The following BCAP29 variants were observed in gnomAD, a reference collection of about 807,000 sequenced individuals.
BCAP29 encodes the protein B-cell receptor-associated protein 29.
BCAP29 carries 34 observed loss-of-function variants against 31.8 expected under a neutral mutation model. The observed-to-expected ratio is 1.07, with a 90% CI of 0.81 to 1.42. BCAP29 has a LOEUF of 1.42. Ranked by LOEUF, BCAP29 falls within the 40% of genes most tolerant of loss-of-function variation. The pLI is 0.00. For missense variants in BCAP29, 314 were observed against 269.2 expected, an observed-to-expected ratio of 1.17 and a Z score of -1.16; for synonymous variants, 104 against 91.3, an observed-to-expected ratio of 1.14 and a Z score of -0.79.
At chr7:107,581,190 A>T (rs1433430091) in intron 2 of BCAP29, among the ~76,000 whole-genome samples, 1 of 152,172 alleles carries the variant, frequency 6.6e-6, no homozygotes, top group African/African-American at 2.4e-5. Flanking sequence ...ATTGCCCTGA[A>T]TTGGAGCCAT....
chr7:107,598,608 T>G (rs1810281892), intron 5 of BCAP29, among the ~76,000 whole-genome samples: 1 of 152,190 alleles, frequency 6.6e-6, no homozygotes, highest in Admixed American at 6.5e-5. Flanking sequence ...CACCTTACAT[T>G]GTAAAAATAT....
chr7:107,585,115 C>T (rs893142325), intron 3 of BCAP29, among the ~76,000 whole-genome samples: 7 of 152,136 alleles, frequency 4.6e-5, no homozygotes, highest in African/African-American at 1.7e-4. Context: ...TCTTGAAATG[C>T]CCCTTCTTGC....
At chr7:107,604,686 T>G (rs757592031) in intron 6 of BCAP29, among the ~76,000 whole-genome samples, 18 of 118,630 alleles carry the variant, frequency 1.5e-4, no homozygotes, top group African/African-American at 3.5e-4. Context: ...GTTGTTGTTG[T>G]TTTTTTTTTT....
At chr7:107,586,417 T>G (rs1261707109) in intron 3 of BCAP29, among the ~76,000 whole-genome samples, 1 of 152,166 alleles carries the variant, frequency 6.6e-6, no homozygotes, top group Non-Finnish European at 1.5e-5. Context: ...CATCTTTGGG[T>G]AAACAGGGCA....
chr7:107,603,153 G>A (rs1811476953), intron 6 of BCAP29, among the ~76,000 whole-genome samples: 1 of 151,628 alleles, frequency 6.6e-6, no homozygotes, highest in African/African-American at 2.4e-5. Flanking sequence ...TGTATTTTTA[G>A]TAGAGATGGG....
chr7:107,614,569 G>A (rs1031138889), intron 7 of BCAP29, among the ~76,000 whole-genome samples: 2 of 152,188 alleles, frequency 1.3e-5, no homozygotes, highest in Non-Finnish European at 2.9e-5. Context: ...TCCTCTGTAG[G>A]AATTTTGCTG....
At position 107,580,830 on chromosome 7, in the gene BCAP29, T is replaced by G. The variant is rs1806494290; in HGVS notation, c.58T>G (p.Leu20Val). 6.3e-7 allele frequency: 1 copy of G among 1,590,096 alleles called. No homozygotes were observed. Among genetic ancestry groups the G allele is most frequent in the African/African-American group, 1.4e-5 (1 of 72,956 alleles). The change falls in exon 2 of 8, where the codon TTA becomes GTA. Residue 20 changes from leucine to valine, a missense_variant. Physicochemically the swap from Leu to Val is conservative, Grantham distance 32. Transcript: ENST00000005259. Reference sequence around the variant, plus strand: ...TCTTTATGCCGAAATAGGACTCATTTTAATCTTCTGCCTACCTTTTATTCC... The same window carrying G: ...TCTTTATGCCGAAATAGGACTCATTGTAATCTTCTGCCTACCTTTTATTCC... ...TFLYAEIGLI[L>V]IFCLPFIPPQ...
intron 5 of BCAP29, among the ~76,000 whole-genome samples, chr7:107,596,539 A>T (rs556958836): frequency 6.6e-6 from 1 of 152,324 alleles, no homozygotes; most frequent in South Asian, 2.1e-4. Context: ...GCAAAAATAA[A>T]AACACAGTCA....
In BCAP29 at chr7:107,595,955, A is replaced by G; in HGVS notation, c.433A>G (p.Asn145Asp). The G allele has an allele frequency of 6.3e-7, 1 of 1,585,474 alleles. No individual in the cohort carries two copies. Among genetic ancestry groups the G allele is most frequent in the African/African-American group, 1.4e-5 (1 of 73,046 alleles). Residue 145 changes from asparagine (N) to aspartate (D), a missense_variant, in exon 5 of 8, where the codon AAC (asparagine) becomes GAC (aspartate). Physicochemically the swap from Asn to Asp is conservative, Grantham distance 23 (BLOSUM62 1). Coordinates refer to ENST00000005259, the MANE Select transcript of BCAP29 (RefSeq NM_018844.4). ...ACTTAAAACTCAAGCAGAAAATACT[A>G]ACAAGGCTGCCAAAAAATTTATGGA... ...GVLKTQAENT[N>D]KAAKKFMEEN...
chr7:107,615,180 T>G (rs192759354), intron 7 of BCAP29: 3 of 456,578 alleles, frequency 6.6e-6, no homozygotes, highest in East Asian at 1.4e-4. Flanking sequence ...TAACAGCCAT[T>G]GGTTCTCTTA....
chr7:107,604,109 G>C (rs1811659051), intron 6 of BCAP29, among the ~76,000 whole-genome samples: 1 of 152,064 alleles, frequency 6.6e-6, no homozygotes, highest in Non-Finnish European at 1.5e-5. Context: ...ACGCAATAGA[G>C]ATACTAGATT....
intron 5 of BCAP29, among the ~76,000 whole-genome samples, chr7:107,599,270 ATTTATATATAATT>A (rs1214828800): frequency 8.2e-6 from 1 of 121,336 alleles, no homozygotes; most frequent in Admixed American, 9.7e-5. Flanking sequence ...TTATATATAT[ATTTATATATAATT>A]TTTATATATA....
At chr7:107,586,762 C>CT (rs1807775670) in intron 3 of BCAP29, among the ~76,000 whole-genome samples, 1 of 138,496 alleles carries the variant, frequency 7.2e-6, no homozygotes, top group Non-Finnish European at 1.5e-5. Context: ...GGGTCTCACT[C>CT]TGTCACCAAG....
chr7:107,599,258 T>TTATATATATATA (rs1554477172), intron 5 of BCAP29, among the ~76,000 whole-genome samples: 2 of 122,084 alleles, frequency 1.6e-5, no homozygotes, highest in African/African-American at 7.0e-5. Flanking sequence ...TATATATAAT[T>TTATATATATATA]TTTATATATA....
At chr7:107,606,656 G>A (rs1197446930) in intron 6 of BCAP29, among the ~76,000 whole-genome samples, 3 of 152,216 alleles carry the variant, frequency 2.0e-5, no homozygotes, top group Non-Finnish European at 4.4e-5. Context: ...GGATATGCCA[G>A]TAAACAGAAC....
chr7:107,583,714 TTTA>T (rs1339320677), intron 2 of BCAP29, among the ~76,000 whole-genome samples, 165 bp from the exon 3 acceptor site: 2 of 152,190 alleles, frequency 1.3e-5, no homozygotes, highest in Non-Finnish European at 2.9e-5. Context: ...AGAGTTGTTT[TTTA>T]ATTCATGAGA....
At chr7:107,591,457 A>C (rs930311062) in intron 3 of BCAP29, among the ~76,000 whole-genome samples, 1 of 152,162 alleles carries the variant, frequency 6.6e-6, no homozygotes, top group Non-Finnish European at 1.5e-5. Context: ...TTTTGACCGC[A>C]GGTTGCCTTT....
intron 2 of BCAP29, among the ~76,000 whole-genome samples, chr7:107,583,547 A>C (rs1456109398): frequency 6.6e-6 from 1 of 152,178 alleles, no homozygotes; most frequent in East Asian, 1.9e-4. Flanking sequence ...TTCTCTGACC[A>C]TGAAAAAGAT....
chr7:107,594,065 A>G lies in BCAP29; in HGVS notation c.304A>G (p.Arg102Gly). 2 of 1,613,382 alleles carry G rather than the reference A, an allele frequency of 1.2e-6. No individual in the cohort carries two copies. The highest frequency in any genetic ancestry group is 1.7e-6 in the Non-Finnish European group (2 of 1,179,492). The change falls in exon 4 of 8, where the codon AGA becomes GGA. Residue 102 changes from arginine (R) to glycine (G), a missense_variant. Coordinates refer to ENST00000005259, the MANE Select transcript of BCAP29 (RefSeq NM_018844.4). The stretch of plus-strand genomic sequence containing the variant: ...ACAGATGAAACTTTTTAGGTCTCAA[A>G]GAAATCTTTACATTTCTGGATTTTC... The part of the protein sequence containing the change: ...HTQMKLFRSQ[R>G]NLYISGFSLF...
Sources: gnomAD v4.1 joint callset for allele counts (sites outside exome capture counted in the v4.1 genomes callset) on GRCh38, gnomAD v4.1.1 for gene constraint, MANE v1.5 for transcripts, NCBI Gene and HGNC (gene_info 2026-07-23, HGNC 2026-07-21) for gene names.